Variants in WARS2 observed in about 807,000 individuals in gnomAD.
The protein encoded by WARS2 is tryptophan--tRNA ligase, mitochondrial.
A neutral mutation model predicts 36.5 loss-of-function variants in WARS2; 28 were observed. The ratio of observed to expected loss-of-function variants is 0.77; its 90% CI spans 0.57 to 1.05. WARS2 has a LOEUF of 1.05. WARS2 is among the 50% of genes least tolerant of loss of function. The probability of loss-of-function intolerance (pLI) is 0.00; values close to 1 mark genes in which losing one functional copy is unlikely to be tolerated. For missense variants in WARS2, 435 were observed against 456.8 expected, an observed-to-expected ratio of 0.95 and a Z score of 0.44; for synonymous variants, 174 against 178.4, an observed-to-expected ratio of 0.98 and a Z score of 0.20.
At chr1:119,131,152 GTTT>G (rs1656066204) in intron 1 of WARS2, among the ~76,000 whole-genome samples, 1 of 152,118 alleles carries the variant, frequency 6.6e-6, no homozygotes, top group Non-Finnish European at 1.5e-5. Flanking sequence ...TAAGAACAAA[GTTT>G]TTGGAACCGA....
intron 1 of WARS2, among the ~76,000 whole-genome samples, chr1:119,110,521 G>A (rs1654552465): frequency 6.6e-6 from 1 of 151,678 alleles, no homozygotes; most frequent in Non-Finnish European, 1.5e-5. Flanking sequence ...TCCTCTATAG[G>A]TGTTTATTCC....
At chr1:119,085,129 A>G (rs1571336593) in intron 1 of WARS2, 3 of 783,424 alleles carry the variant, frequency 3.8e-6, no homozygotes, top group East Asian at 4.9e-5. Flanking sequence ...CGCCCGTTGT[A>G]CGGGCTAGAA....
chr1:119,043,938 A>C (rs537493492), intron 3 of WARS2, among the ~76,000 whole-genome samples: 3 of 152,154 alleles, frequency 2.0e-5, no homozygotes, highest in Non-Finnish European at 4.4e-5. Flanking sequence ...TGCTGTCCCA[A>C]TGGAAACCAG....
At chr1:119,137,329 T>C (rs761165514) in intron 1 of WARS2, among the ~76,000 whole-genome samples, 5 of 152,184 alleles carry the variant, frequency 3.3e-5, no homozygotes, top group Non-Finnish European at 1.5e-5. Flanking sequence ...GGGTCAAAAA[T>C]TTTAAACCAC....
At position 119,034,060 on chromosome 1, in the gene WARS2, T is replaced by C. The variant is rs759031540; in HGVS notation, c.634+35A>G. 68 of 1,567,564 alleles carry C rather than the reference T, an allele frequency of 4.3e-5. No individual in the cohort carries two copies. In the East Asian group the frequency reaches 1.4e-3, roughly 33 times the overall value. On this transcript the variant is annotated intron_variant, in intron 5 of 5. Transcript: ENST00000235521. ...ATTGTCCAATCCTCTCTTTAGAATA[T>C]ACCCTGATGTAACAATTATAAGTTT...
chr1:119,067,430 A>G (rs984781125), intron 2 of WARS2, among the ~76,000 whole-genome samples: 1 of 152,242 alleles, frequency 6.6e-6, no homozygotes, highest in Non-Finnish European at 1.5e-5. Flanking sequence ...GCAGCCATTC[A>G]TCTTCATCCT....
chr1:119,088,468 A>ACACACACACACAC, intron 1 of WARS2, among the ~76,000 whole-genome samples: 1 of 150,164 alleles, frequency 6.7e-6, no homozygotes. Flanking sequence ...ACACACACAC[A>ACACACACACACAC]AATAAAAGGA....
intron 1 of WARS2, among the ~76,000 whole-genome samples, chr1:119,098,272 C>A (rs1653594449): frequency 6.6e-6 from 1 of 151,780 alleles, no homozygotes; most frequent in Non-Finnish European, 1.5e-5. Context: ...ACAAAACAAC[C>A]CCTAATACAT....
intron 1 of WARS2, among the ~76,000 whole-genome samples, chr1:119,135,761 G>GATAGAT (rs765791930): frequency 2.2e-4 from 19 of 87,166 alleles, no homozygotes; most frequent in South Asian, 9.4e-4. Flanking sequence ...TAGAGAGATA[G>GATAGAT]AGAGAGAGAG....
At chr1:119,077,198 G>A (rs926224648) in intron 1 of WARS2, among the ~76,000 whole-genome samples, 3 of 151,096 alleles carry the variant, frequency 2.0e-5, no homozygotes, top group African/African-American at 7.3e-5. Context: ...GAGATAGAGG[G>A]TATTGTTTAT....
At chr1:119,112,281 C>T (rs867775123) in intron 1 of WARS2, among the ~76,000 whole-genome samples, 2 of 152,216 alleles carry the variant, frequency 1.3e-5, no homozygotes, top group Middle Eastern at 3.4e-3. Context: ...CTTATATACC[C>T]AACTCTGACA....
At chr1:119,071,926 TAAAATAAAGA>T (rs1651345628) in intron 2 of WARS2, among the ~76,000 whole-genome samples, 1 of 152,056 alleles carries the variant, frequency 6.6e-6, no homozygotes, top group African/African-American at 2.4e-5. Flanking sequence ...TTTGTCAATT[TAAAATAAAGA>T]AAAAAGAATT....
At chr1:119,076,239 C>T in intron 2 of WARS2, 111 bp downstream of exon 2, 2 of 1,375,124 alleles carry the variant, frequency 1.5e-6, no homozygotes, top group Non-Finnish European at 2.0e-6. Context: ...AAAAAGTCAC[C>T]TTCAAACACT....
intron 3 of WARS2, among the ~76,000 whole-genome samples, chr1:119,044,634 A>G (rs1648640849): frequency 6.6e-6 from 1 of 152,198 alleles, no homozygotes; most frequent in Non-Finnish European, 1.5e-5. Context: ...AGATTAAGGC[A>G]AAGTCAGTGT....
chr1:119,051,311 G>T (rs1649330495), intron 2 of WARS2, among the ~76,000 whole-genome samples: 1 of 152,098 alleles, frequency 6.6e-6, no homozygotes, highest in South Asian at 2.1e-4. Flanking sequence ...GTGTTAGTTT[G>T]CTAAGGATAA....
chr1:119,050,748 A>G (rs911761432), intron 2 of WARS2, among the ~76,000 whole-genome samples: 1 of 152,168 alleles, frequency 6.6e-6, no homozygotes, highest in African/African-American at 2.4e-5. Context: ...TTTAAACCAT[A>G]CAAACAAAAA....
intron 1 of WARS2, among the ~76,000 whole-genome samples, chr1:119,124,770 C>T (rs1655543614): frequency 6.6e-6 from 1 of 152,120 alleles, no homozygotes; most frequent in Admixed American, 6.5e-5. Context: ...CCATGACTTC[C>T]CAGTTTAATC....
At chr1:119,102,621 T>A (rs1280491171) in intron 1 of WARS2, among the ~76,000 whole-genome samples, 1 of 152,180 alleles carries the variant, frequency 6.6e-6, no homozygotes, top group Non-Finnish European at 1.5e-5. Flanking sequence ...TAAAGAGGTT[T>A]ACCCCCATCT....
chr1:119,058,990 T>G (rs1203556711), intron 2 of WARS2, among the ~76,000 whole-genome samples: 1 of 152,148 alleles, frequency 6.6e-6, no homozygotes, highest in Non-Finnish European at 1.5e-5. Context: ...GAATTTTTAA[T>G]GATTGCCATT....
Sources: gnomAD v4.1 joint callset for allele counts (sites outside exome capture counted in the v4.1 genomes callset) on GRCh38, gnomAD v4.1.1 for gene constraint, MANE v1.5 for transcripts, NCBI Gene and HGNC (gene_info 2026-07-23, HGNC 2026-07-21) for gene names.